Variants in SGSM2 observed in about 807,000 individuals in gnomAD.
SGSM2 encodes the protein RUN and TBC1 domain containing 1.
Under a neutral mutation model 126.6 loss-of-function variants are expected in SGSM2, and 89 were observed. The ratio of observed to expected loss-of-function variants is 0.70; its 90% CI spans 0.59 to 0.84. SGSM2 has a LOEUF of 0.84. Among genes scored for constraint, SGSM2 ranks in the 40% least tolerant of loss-of-function variants. SGSM2 has a pLI of 0.00. For synonymous variants in SGSM2, 614 were observed against 574.3 expected (o/e 1.07, Z -0.99); for missense variants, 1,404 against 1,416.6 (o/e 0.99, Z 0.14).
intron 2 of SGSM2, among the ~76,000 whole-genome samples, chr17:2,361,307 G>T (rs2065299395): frequency 6.6e-6 from 1 of 152,232 alleles, no homozygotes; most frequent in Admixed American, 6.5e-5. Flanking sequence ...CCGTCCTGTA[G>T]GTGCTGTGCC....
At chr17:2,353,626 A>G (rs1296415071) in intron 2 of SGSM2, among the ~76,000 whole-genome samples, 1 of 152,074 alleles carries the variant, frequency 6.6e-6, no homozygotes, top group African/African-American at 2.4e-5. Context: ...TTAGCCAGGC[A>G]TGGTAGTGCA....
At chr17:2,339,309 A>G (rs2064240664) in intron 1 of SGSM2, among the ~76,000 whole-genome samples, 1 of 150,270 alleles carries the variant, frequency 6.7e-6, no homozygotes, top group Middle Eastern at 3.3e-3. Context: ...AGTGGTGGGC[A>G]CCTGTAATCC....
intron 11 of SGSM2, among the ~76,000 whole-genome samples, chr17:2,366,039 G>A (rs945097709): frequency 2.6e-5 from 4 of 152,148 alleles, no homozygotes; most frequent in Non-Finnish European, 2.9e-5. Context: ...CACTGCGCCC[G>A]GCCCAGCGCT....
intron 12 of SGSM2, among the ~76,000 whole-genome samples, chr17:2,370,864 C>A (rs192973693): frequency 1.4e-4 from 22 of 152,284 alleles, no homozygotes; most frequent in Non-Finnish European, 3.1e-4. Flanking sequence ...GCCAAGAGGA[C>A]CGAGCTGAAT....
intron 12 of SGSM2, 123 bp from the exon 13 acceptor site, chr17:2,371,139 C>G: frequency 8.8e-7 from 1 of 1,137,984 alleles, no homozygotes; most frequent in Non-Finnish European, 1.2e-6. Flanking sequence ...GGCCCCACCT[C>G]TGTGATTTTC....
rs2065897119 is a variant in SGSM2, at chr17:2,372,092, G to C, written c.1578-98G>C. ...TCCTCCTCCTCGCACCCTCCCCAGT[G>C]CCTTACCTGCCCCCCAGGACAGAGC... is the stretch of plus-strand genomic sequence containing the variant. On this transcript the variant is annotated intron_variant, in intron 13 of 23. Coordinates refer to ENST00000268989, the MANE Select transcript of SGSM2 (RefSeq NM_014853.3). The surrounding 1 kb of genome is among the most constrained non-coding windows in gnomAD (Gnocchi z 6.0). 1.4e-6 allele frequency: 2 copies of C among 1,418,502 alleles called. No homozygotes were observed. Among genetic ancestry groups the C allele is most frequent in the African/African-American group, 2.8e-5 (2 of 71,106 alleles). 87.9% of individuals were successfully genotyped at this position (1,418,502 alleles called of 1,614,324 possible).
At chr17:2,358,268 G>C (rs952699071) in intron 2 of SGSM2, among the ~76,000 whole-genome samples, 22 of 152,216 alleles carry the variant, frequency 1.4e-4, no homozygotes, top group Admixed American at 3.9e-4. Context: ...TCCCGTGTCT[G>C]TGAGACACGT....
In SGSM2 at chr17:2,380,481, A is replaced by T. The variant is rs58616245; in HGVS notation, c.*961A>T. ...TGAGACTGCGGGAGGCAGGGGATGC[A>T]TGGGTGTCCCCATCTGTCCCTGGTG... is the stretch of plus-strand genomic sequence containing the variant. On this transcript the variant is annotated 3_prime_UTR_variant, in exon 24 of 24. Transcript: ENST00000268989. The T allele has an allele frequency of 0.077, 50,260 of 653,936 alleles. 2,583 individuals carry two copies. The highest frequency in any genetic ancestry group is 0.16 in the African/African-American group (8,731 of 56,056). 40.5% of individuals were successfully genotyped at this position (653,936 alleles called of 1,614,324 possible).
rs1310381822 is a variant in SGSM2, at chr17:2,375,686, G to C, written c.2295G>C (p.Gln765His). The C allele has an allele frequency of 1.9e-6, 3 of 1,613,848 alleles. No individual in the cohort carries two copies. In the Admixed American group the frequency reaches 5.0e-5, roughly 27 times the overall value. Residue 765 changes from glutamine (Q) to histidine (H), a missense_variant, in exon 18 of 24, where the codon CAG becomes CAC. By Grantham distance (24) the Gln-to-His change is conservative. Coordinates refer to ENST00000268989, the MANE Select transcript of SGSM2 (RefSeq NM_014853.3). The part of the protein sequence containing the change: ...SRNYSVASGI[Q>H]SSLDEGQSVG... Reference sequence around the variant, plus strand: ...ATTACTCCGTGGCCTCGGGCATCCAGTCAAGCCTAGATGAGGGGCAGAGCG... The same window carrying C: ...ATTACTCCGTGGCCTCGGGCATCCACTCAAGCCTAGATGAGGGGCAGAGCG...
rs147179672 is a variant in SGSM2 at position 2,375,814 on chromosome 17, C to T, written c.2423C>T (p.Pro808Leu). ...CCCCAGGATCCCAGCCAGGAGAAGC[C>T]TCAGGCCGGAGAACTGGAGGCCGGA... is the stretch of plus-strand genomic sequence containing the variant. Reference protein sequence around the residue: ...REPQDPSQEKPQAGELEAGEE... With the variant: ...REPQDPSQEKLQAGELEAGEE... Residue 808 changes from proline (P) to leucine (L), a missense_variant, in exon 18 of 24, where the codon CCT becomes CTT. By Grantham distance (98) the Pro-to-Leu change is moderately conservative. Coordinates refer to ENST00000268989, the MANE Select transcript of SGSM2 (RefSeq NM_014853.3). The T allele has an allele frequency of 8.3e-6, 13 of 1,559,746 alleles. No individual in the cohort carries two copies. The African/African-American group carries it at 1.4e-4, about 16-fold the overall frequency.
chr17:2,361,531 G>A (rs1459509388), intron 2 of SGSM2, 106 bp from the exon 3 acceptor site: 1 of 1,412,286 alleles, frequency 7.1e-7, no homozygotes. Flanking sequence ...GCCTGCCCTT[G>A]GCTTGCCCTT....
At position 2,379,527 on chromosome 17, in the gene SGSM2, G is replaced by C; in HGVS notation, c.*7G>C. 1 of 1,609,154 alleles carries C rather than the reference G, an allele frequency of 6.2e-7. No individual in the cohort carries two copies. The highest frequency in any genetic ancestry group is 8.5e-7 in the Non-Finnish European group (1 of 1,176,498). Reference sequence around the variant, plus strand: ...GCTCATAGAGAACAAGTGAGCTGGGGCCAGGAGGCAGCAGCCGTGCAGAGC... The same window carrying C: ...GCTCATAGAGAACAAGTGAGCTGGGCCCAGGAGGCAGCAGCCGTGCAGAGC... On this transcript the variant is annotated 3_prime_UTR_variant, in exon 24 of 24. Coordinates refer to ENST00000268989, the MANE Select transcript of SGSM2 (RefSeq NM_014853.3).
intron 22 of SGSM2, among the ~76,000 whole-genome samples, chr17:2,378,292 G>A (rs1171550155): frequency 6.6e-6 from 1 of 151,986 alleles, no homozygotes; most frequent in Admixed American, 6.6e-5. Context: ...AAGAAAAAAT[G>A]AGGCTGGGTG....
intron 10 of SGSM2, 53 bp downstream of exon 10, chr17:2,365,110 C>G: frequency 6.3e-7 from 1 of 1,598,730 alleles, no homozygotes; most frequent in South Asian, 1.1e-5. Flanking sequence ...GTTCTCTGCC[C>G]GCCTCCCTTC....
At position 2,362,902 on chromosome 17, in the gene SGSM2, C is replaced by T. The variant is rs1049226117; in HGVS notation, c.523C>T (p.Leu175=). The T allele has an allele frequency of 6.2e-7, 1 of 1,614,172 alleles. No individual in the cohort carries two copies. ...GTTCGGCCCGATCCTGGCCTCTCTT[C>T]TAGGTGAGCCTGAGAGCACAGGCAC... The part of the protein sequence containing the change: ...PVFGPILASL[L]VGPCALEYTK... The change falls in exon 5 of 24, where the codon CTA becomes TTA. Residue 175 remains leucine (L), a synonymous_variant. Transcript: ENST00000268989. This position sits in a 1 kb window ranked among gnomAD's most constrained non-coding sequence, Gnocchi z 4.9.
chr17:2,365,309 G>T lies in SGSM2; in HGVS notation c.1256G>T (p.Arg419Leu), dbSNP rs758033392. 6 of 1,579,264 alleles carry T rather than the reference G, an allele frequency of 3.8e-6. No individual in the cohort carries two copies. The highest frequency in any genetic ancestry group is 1.8e-5 in the Admixed American group (1 of 54,678). ...GTGRATDYVF[R>L]IIYPGHRHEH... is the part of the protein sequence containing the mutation. Reference sequence around the variant, plus strand: ...GGGCGGGCCACCGACTATGTGTTCCGGATCATCTACCCCGGCCACAGGCAC... The same window carrying T: ...GGGCGGGCCACCGACTATGTGTTCCTGATCATCTACCCCGGCCACAGGCAC... The change falls in exon 11 of 24, where the codon CGG (arginine) becomes CTG (leucine). Residue 419 changes from arginine (R) to leucine (L), a missense_variant. Physicochemically the swap from Arg to Leu is moderately radical, Grantham distance 102. Coordinates refer to ENST00000268989, the MANE Select transcript of SGSM2 (RefSeq NM_014853.3).
At chr17:2,376,530 G>T (rs1452245920) in intron 19 of SGSM2, 2 of 687,408 alleles carry the variant, frequency 2.9e-6, no homozygotes, top group Admixed American at 2.7e-5. Flanking sequence ...TGACGGCCTT[G>T]GCTCTCCCTA....
chr17:2,354,606 G>C (rs1009128964), intron 2 of SGSM2, among the ~76,000 whole-genome samples: 4 of 152,288 alleles, frequency 2.6e-5, no homozygotes, highest in African/African-American at 9.6e-5. Context: ...AAATAATCAC[G>C]CAGTTATATC....
chr17:2,357,312 A>T (rs1433103494), intron 2 of SGSM2, among the ~76,000 whole-genome samples: 1 of 152,044 alleles, frequency 6.6e-6, no homozygotes, highest in African/African-American at 2.4e-5. Flanking sequence ...AGGGTAGAGA[A>T]TGTACCTGGG....
Sources: allele counts gnomAD v4.1 joint callset (sites outside exome capture counted in the v4.1 genomes callset), GRCh38; gene constraint gnomAD v4.1.1; non-coding constraint Gnocchi (gnomAD v3.1); transcripts MANE v1.5; gene names NCBI Gene and HGNC (gene_info 2026-07-23, HGNC 2026-07-21).